EPHA6: variants seen among roughly 807,000 people sequenced by gnomAD.
The protein encoded by EPHA6 is EPH receptor A6, also known as ephrin type-A receptor 6.
In EPHA6, 50 loss-of-function variants were observed where a neutral mutation model predicts 112.0. The observed-to-expected ratio is 0.45, with a 90% CI of 0.36 to 0.56. The LOEUF (loss-of-function observed/expected upper bound fraction) is 0.56. EPHA6 is among the 20% of genes least tolerant of loss of function. EPHA6 has a pLI of 0.00. For missense variants in EPHA6, 1,280 were observed against 1,417.4 expected, an observed-to-expected ratio of 0.90 and a Z score of 1.56; for synonymous variants, 529 against 490.7, an observed-to-expected ratio of 1.08 and a Z score of -1.03.
chr3:97,108,485 G>A (rs762181132), intron 3 of EPHA6, among the ~76,000 whole-genome samples: 8 of 152,098 alleles, frequency 5.3e-5, no homozygotes, highest in African/African-American at 1.4e-4. Context: ...AAAGTACAAG[G>A]CATTGCCAAG....
At chr3:97,187,380 G>A (rs1456190484) in intron 3 of EPHA6, among the ~76,000 whole-genome samples, 1 of 151,886 alleles carries the variant, frequency 6.6e-6, no homozygotes, top group African/African-American at 2.4e-5. Flanking sequence ...GACCAACCTG[G>A]TCAATAAGGT....
chr3:97,748,753 T>C lies in EPHA6; in HGVS notation c.*52T>C, dbSNP rs2035818756. 3.3e-6 allele frequency: 3 copies of C among 913,122 alleles called. No individual in the cohort carries two copies. The highest frequency in any genetic ancestry group is 1.9e-5 in the Admixed American group (1 of 52,988). The allele number at this position is 913,122 out of a possible 1,614,324, so 56.6% of individuals were successfully genotyped here. On this transcript the variant is annotated 3_prime_UTR_variant, in exon 18 of 18. Coordinates refer to ENST00000389672, the MANE Select transcript of EPHA6 (RefSeq NM_001080448.3). ...GCCTCAGCATTTCTAAAATGAACGA[T>C]ATCCTCTCTACTACTCTCTCTTCTG...
chr3:97,262,701 C>T (rs1236227249), intron 5 of EPHA6, among the ~76,000 whole-genome samples: 1 of 152,138 alleles, frequency 6.6e-6, no homozygotes, highest in East Asian at 1.9e-4. Flanking sequence ...TCTACCACTC[C>T]TCATTTCATT....
At chr3:97,614,147 A>G (rs1375086722) in intron 13 of EPHA6, among the ~76,000 whole-genome samples, 1 of 152,006 alleles carries the variant, frequency 6.6e-6, no homozygotes, top group East Asian at 1.9e-4. Flanking sequence ...TTTAGGGTAC[A>G]TGTGCTTATA....
chr3:97,468,680 G>T (rs1243031638), intron 7 of EPHA6, among the ~76,000 whole-genome samples: 2 of 151,696 alleles, frequency 1.3e-5, no homozygotes, highest in African/African-American at 2.4e-5. Flanking sequence ...GTAAGGGAAT[G>T]TAATGTAAAA....
chr3:96,942,767 T>C (rs1342806649), intron 2 of EPHA6, among the ~76,000 whole-genome samples: 1 of 152,222 alleles, frequency 6.6e-6, no homozygotes, highest in Non-Finnish European at 1.5e-5. Flanking sequence ...CCCGCTGCTC[T>C]TGGTTTTAAG....
intron 2 of EPHA6, among the ~76,000 whole-genome samples, chr3:96,946,456 A>C (rs2041263526): frequency 6.6e-6 from 1 of 152,024 alleles, no homozygotes; most frequent in Non-Finnish European, 1.5e-5. Context: ...TAGTTTGCTG[A>C]GAATGATGGT....
At chr3:97,670,768 C>G (rs1253255444) in intron 14 of EPHA6, among the ~76,000 whole-genome samples, 1 of 152,208 alleles carries the variant, frequency 6.6e-6, no homozygotes. Context: ...TGTTCACTAT[C>G]CATATAGGTC....
chr3:97,599,588 G>A lies in EPHA6; in HGVS notation c.2512+6851G>A, dbSNP rs1375838927. On this transcript the variant is annotated intron_variant, in intron 12 of 17. Coordinates refer to ENST00000389672, the MANE Select transcript of EPHA6 (RefSeq NM_001080448.3). The stretch of plus-strand genomic sequence containing the variant: ...GATCAGACAGTTGTAGGTATGCGGC[G>A]TTATTTCTGAGGGCTCTGTTCTGTT... Among the ~76,000 whole-genome samples, 1,266 of 151,202 alleles carry A rather than the reference G, an allele frequency of 8.4e-3. 9 individuals carry two copies. Among genetic ancestry groups the A allele is most frequent in the African/African-American group, 0.027 (1,106 of 41,122 alleles).
chr3:97,565,038 G>A (rs1271624341), intron 11 of EPHA6, among the ~76,000 whole-genome samples: 3 of 152,004 alleles, frequency 2.0e-5, no homozygotes, highest in African/African-American at 7.2e-5. Context: ...ATATACCAAG[G>A]GGAAAATTTT....
At chr3:97,622,852 T>C (rs2093824862) in intron 13 of EPHA6, among the ~76,000 whole-genome samples, 1 of 151,766 alleles carries the variant, frequency 6.6e-6, no homozygotes, top group South Asian at 2.1e-4. Context: ...CTGTAATGAT[T>C]TGTGGTTTTC....
chr3:97,328,054 C>CACATATAT lies in EPHA6; in HGVS notation c.1607-77095_1607-77094insCATATATA, dbSNP rs372533674. Among the ~76,000 whole-genome samples the CACATATAT allele has an allele frequency of 1.6e-4, 19 of 120,874 alleles. 1 individual carries two copies. In the South Asian group the frequency reaches 1.7e-3, roughly 11 times the overall value. 79.3% of individuals were successfully genotyped at this position (120,874 alleles called of 152,430 possible). A position where few individuals can be genotyped will look rare whatever the true frequency, so the allele number is the denominator to read the frequency against. ...GTGTATATATACACACATATATACACATATATATATATATATATATATATA... is the reference window on the plus strand; with the variant it reads ...GTGTATATATACACACATATATACACACATATATATATATATATATATATATATATATA... On this transcript the variant is annotated intron_variant, in intron 5 of 17. Coordinates refer to ENST00000389672, the MANE Select transcript of EPHA6 (RefSeq NM_001080448.3).
At chr3:97,545,806 T>C (rs953044053) in intron 11 of EPHA6, among the ~76,000 whole-genome samples, 1 of 152,218 alleles carries the variant, frequency 6.6e-6, no homozygotes, top group Admixed American at 6.5e-5. Context: ...ATTAATCCCT[T>C]TACCATTATG....
chr3:96,915,247 T>A (rs2039427597), intron 2 of EPHA6, among the ~76,000 whole-genome samples: 1 of 152,048 alleles, frequency 6.6e-6, no homozygotes, highest in Non-Finnish European at 1.5e-5. Context: ...TCTTTACTCT[T>A]AAGTTGTGCA....
chr3:96,978,525 T>G (rs930706085), intron 2 of EPHA6, among the ~76,000 whole-genome samples: 1 of 152,188 alleles, frequency 6.6e-6, no homozygotes, highest in Non-Finnish European at 1.5e-5. Flanking sequence ...CTTCTTGTTT[T>G]AGGGAATCAG....
At chr3:96,829,968 C>CACACAT (rs1294320602) in intron 1 of EPHA6, among the ~76,000 whole-genome samples, 24 of 151,712 alleles carry the variant, frequency 1.6e-4, no homozygotes, top group Admixed American at 1.1e-3. Context: ...CACACACACA[C>CACACAT]ACACACACAC....
intron 3 of EPHA6, among the ~76,000 whole-genome samples, chr3:97,099,630 G>C (rs571863165): frequency 6.6e-6 from 1 of 151,898 alleles, no homozygotes; most frequent in South Asian, 2.1e-4. Flanking sequence ...CTGGATACTG[G>C]AATGTTGATT....
chr3:97,600,226 A>G (rs1344675358), intron 12 of EPHA6, among the ~76,000 whole-genome samples: 3 of 149,460 alleles, frequency 2.0e-5, no homozygotes, highest in Middle Eastern at 3.2e-3. Context: ...GGACAATTTG[A>G]CTTCCTCTTT....
At chr3:96,849,712 TG>T (rs2035275912) in intron 1 of EPHA6, among the ~76,000 whole-genome samples, 1 of 152,152 alleles carries the variant, frequency 6.6e-6, no homozygotes, top group African/African-American at 2.4e-5. Context: ...CCCAGCTGGC[TG>T]GACTTAAATT....
Sources: allele counts gnomAD v4.1 joint callset (sites outside exome capture counted in the v4.1 genomes callset), GRCh38; gene constraint gnomAD v4.1.1; transcripts MANE v1.5; gene names NCBI Gene and HGNC (gene_info 2026-07-23, HGNC 2026-07-21).